OR2G2: variants seen among roughly 807,000 people sequenced by gnomAD.
OR2G2 encodes the protein olfactory receptor family 2 subfamily G member 2, also known as olfactory receptor 2G2.
For synonymous variants in OR2G2, 176 were observed against 152.4 expected (o/e 1.16, Z -1.14); for missense variants, 460 against 389.7 (o/e 1.18, Z -1.52).
Position 247,589,288 on chromosome 1 carries a change from A to C in OR2G2, c.929A>C (p.Lys310Thr). ...GGGGCATTAAAGAAAGTTCTAGCAAAGGCTCTGGGAGTAAATATTTTATGA... is the reference window on the plus strand; with the variant it reads ...GGGGCATTAAAGAAAGTTCTAGCAACGGCTCTGGGAGTAAATATTTTATGA... ...VKGALKKVLA[K>T]ALGVNIL is the part of the protein sequence containing the mutation. The change falls in exon 1 of 1, where the codon AAG becomes ACG. Residue 310 changes from lysine (K) to threonine (T), a missense_variant. Transcript: ENST00000320065. 2 of 1,559,708 alleles carry C rather than the reference A, an allele frequency of 1.3e-6. No individual in the cohort carries two copies. Among genetic ancestry groups the C allele is most frequent in the Non-Finnish European group, 1.7e-6 (2 of 1,155,888 alleles).
rs763386328 is a variant in OR2G2 at position 247,589,263 on chromosome 1, G to A, written c.904G>A (p.Gly302Arg). The stretch of plus-strand genomic sequence containing the variant: ...TACCTTGAGGATCAAGGAGGTGAAA[G>A]GGGCATTAAAGAAAGTTCTAGCAAA... The part of the protein sequence containing the change: ...IYTLRIKEVK[G>R]ALKKVLAKAL... The change falls in exon 1 of 1, where the codon GGG (glycine) becomes AGG (arginine). Residue 302 changes from glycine (G) to arginine (R), a missense_variant. Transcript: ENST00000320065. 2 of 1,609,972 alleles carry A rather than the reference G, an allele frequency of 1.2e-6. No individual in the cohort carries two copies. The highest frequency in any genetic ancestry group is 2.2e-5 in the South Asian group (2 of 90,170).
At position 247,589,309 on chromosome 1, in the gene OR2G2, T is replaced by C. The variant is rs1285009333; in HGVS notation, c.950T>C (p.Leu317Ser). The C allele has an allele frequency of 6.6e-7, 1 of 1,504,058 alleles. No individual in the cohort carries two copies. Among genetic ancestry groups the C allele is most frequent in the South Asian group, 1.3e-5 (1 of 75,402 alleles). The allele number at this position is 1,504,058 out of a possible 1,614,324, so 93.2% of individuals were successfully genotyped here. Residue 317 changes from leucine to serine, a missense_variant, in exon 1 of 1, where the codon TTA becomes TCA. Transcript: ENST00000320065. ...GCAAAGGCTCTGGGAGTAAATATTTTATGATTATTAAAAAAAAATTTAAGT... is the reference window on the plus strand; with the variant it reads ...GCAAAGGCTCTGGGAGTAAATATTTCATGATTATTAAAAAAAAATTTAAGT... ...VLAKALGVNI[L>S]
At position 247,589,252 on chromosome 1, in the gene OR2G2, AG is replaced by A; in HGVS notation, c.895del (p.Glu299ArgfsTer2). 1 of 1,613,156 alleles carries A rather than the reference AG, an allele frequency of 6.2e-7. No homozygotes were observed. Among genetic ancestry groups the A allele is most frequent in the Non-Finnish European group, 8.5e-7 (1 of 1,179,648 alleles). On this transcript the variant is annotated frameshift_variant, in exon 1 of 1. Coordinates refer to ENST00000320065, the MANE Select transcript of OR2G2 (RefSeq NM_001001915.1). LOFTEE classifies it low-confidence loss of function (END_TRUNC). ...CCTCTTATTTATACCTTGAGGATCA[AG>A]GAGGTGAAAGGGGCATTAAAGAAAG... ...LNPLIYTLRI[K>X]EVKGALKKVL...
chr1:247,588,677 C>T lies in OR2G2; in HGVS notation c.318C>T (p.Asn106=), dbSNP rs375587532. 6.2e-7 allele frequency: 1 copy of T among 1,614,090 alleles called. No individual in the cohort carries two copies. The highest frequency in any genetic ancestry group is 8.5e-7 in the Non-Finnish European group (1 of 1,180,042). The change falls in exon 1 of 1, where the codon AAC becomes AAT. Residue 106 remains asparagine, a synonymous_variant. Transcript: ENST00000320065. ...AYGGCLVHLY[N]SHALGSTECV... is the part of the protein sequence containing the mutation. ...GTGGCTGTTTGGTTCACCTTTACAA[C>T]TCCCATGCCCTGGGATCCACTGAGT...
In OR2G2 at chr1:247,589,060, C is replaced by G. The variant is rs773839582; in HGVS notation, c.701C>G (p.Ala234Gly). The change falls in exon 1 of 1, where the codon GCT (alanine) becomes GGT (glycine). Residue 234 changes from alanine (A) to glycine (G), a missense_variant. Coordinates refer to ENST00000320065, the MANE Select transcript of OR2G2 (RefSeq NM_001001915.1). ...IAHAVLRIKS[A>G]TRRQKAFGTC... ...CACGCAGTGTTGAGGATTAAGTCAG[C>G]TACCAGGAGACAGAAAGCATTCGGG... 3.2e-5 allele frequency: 52 copies of G among 1,614,092 alleles called. No homozygotes were observed. The highest frequency in any genetic ancestry group is 1.4e-5 in the Non-Finnish European group (17 of 1,180,020).
At position 247,588,667 on chromosome 1, in the gene OR2G2, A is replaced by AG; in HGVS notation, c.308_309insG (p.His103GlnfsTer12). 2 of 1,614,066 alleles carry AG rather than the reference A, an allele frequency of 1.2e-6. No individual in the cohort carries two copies. The highest frequency in any genetic ancestry group is 3.3e-5 in the Admixed American group (2 of 60,012). On this transcript the variant is annotated frameshift_variant, in exon 1 of 1. Transcript: ENST00000320065. LOFTEE classifies it low-confidence loss of function (END_TRUNC). The stretch of plus-strand genomic sequence containing the variant: ...ATCGCCTATGGTGGCTGTTTGGTTC[A>AG]CCTTTACAACTCCCATGCCCTGGGA...
chr1:247,588,670 T>G lies in OR2G2; in HGVS notation c.311T>G (p.Leu104Arg), dbSNP rs1669076191. 3 of 1,614,214 alleles carry G rather than the reference T, an allele frequency of 1.9e-6. No homozygotes were observed. Among genetic ancestry groups the G allele is most frequent in the Non-Finnish European group, 1.7e-6 (2 of 1,180,036 alleles). The change falls in exon 1 of 1, where the codon CTT becomes CGT. Residue 104 changes from leucine to arginine, a missense_variant. Transcript: ENST00000320065. ...TIAYGGCLVH[L>R]YNSHALGSTE... is the part of the protein sequence containing the mutation. ...GCCTATGGTGGCTGTTTGGTTCACC[T>G]TTACAACTCCCATGCCCTGGGATCC...
At position 247,588,464 on chromosome 1, in the gene OR2G2, GA is replaced by G; in HGVS notation, c.106del (p.Ile36PhefsTer5). 3.1e-6 allele frequency: 5 copies of G among 1,613,848 alleles called. No individual in the cohort carries two copies. Among genetic ancestry groups the G allele is most frequent in the Non-Finnish European group, 4.2e-6 (5 of 1,179,750 alleles). ...AGAAGGTTCTATTTGTGCTCATATT[GA>G]TTCTGTATTTACTAACTATTTTGGG... is the stretch of plus-strand genomic sequence containing the variant. ...LQKVLFVLIL[I>X]LYLLTILGNT... is the part of the protein sequence containing the mutation. On this transcript the variant is annotated frameshift_variant, in exon 1 of 1. Transcript: ENST00000320065. LOFTEE classifies it low-confidence loss of function (END_TRUNC).
chr1:247,588,444 G>T lies in OR2G2; in HGVS notation c.85G>T (p.Val29Phe), dbSNP rs1558270083. ...GFSDYPQLQK[V>F]LFVLILILYL... ...TTCTGATTATCCTCAGTTACAGAAG[G>T]TTCTATTTGTGCTCATATTGATTCT... The change falls in exon 1 of 1, where the codon GTT becomes TTT. Residue 29 changes from valine to phenylalanine, a missense_variant. By Grantham distance (50) the Val-to-Phe change is conservative. Transcript: ENST00000320065. 6.2e-7 allele frequency: 1 copy of T among 1,613,998 alleles called. No individual in the cohort carries two copies. The highest frequency in any genetic ancestry group is 8.5e-7 in the Non-Finnish European group (1 of 1,179,874).
At position 247,588,615 on chromosome 1, in the gene OR2G2, G is replaced by C; in HGVS notation, c.256G>C (p.Val86Leu). ...CAGCAGTGTTATTCCCCAGCTCCTG[G>C]TAAACCTGTGGGAACCCATGAAAAC... Reference protein sequence around the residue: ...FTSSVIPQLLVNLWEPMKTIA... With the variant: ...FTSSVIPQLLLNLWEPMKTIA... The change falls in exon 1 of 1, where the codon GTA becomes CTA. Residue 86 changes from valine (V) to leucine (L), a missense_variant. By Grantham distance (32) the Val-to-Leu change is conservative (BLOSUM62 1). Coordinates refer to ENST00000320065, the MANE Select transcript of OR2G2 (RefSeq NM_001001915.1). The C allele has an allele frequency of 6.2e-7, 1 of 1,614,078 alleles. No individual in the cohort carries two copies. The highest frequency in any genetic ancestry group is 8.5e-7 in the Non-Finnish European group (1 of 1,180,016).
chr1:247,588,713 G>A lies in OR2G2; in HGVS notation c.354G>A (p.Pro118=). Residue 118 remains proline, a synonymous_variant, in exon 1 of 1, where the codon CCG becomes CCA. Transcript: ENST00000320065. Reference sequence around the variant, plus strand: ...TGGGATCCACTGAGTGCGTCCTCCCGGCTGTGATGTCCTGTGACCGCTATG... The same window carrying A: ...TGGGATCCACTGAGTGCGTCCTCCCAGCTGTGATGTCCTGTGACCGCTATG... ...HALGSTECVL[P]AVMSCDRYVA... is the part of the protein sequence containing the mutation. The A allele has an allele frequency of 1.2e-6, 2 of 1,614,054 alleles. No homozygotes were observed. Among genetic ancestry groups the A allele is most frequent in the Non-Finnish European group, 1.7e-6 (2 of 1,179,980 alleles).
At position 247,588,723 on chromosome 1, in the gene OR2G2, T is replaced by A. The variant is rs1669077805; in HGVS notation, c.364T>A (p.Ser122Thr). 6.2e-7 allele frequency: 1 copy of A among 1,614,014 alleles called. No homozygotes were observed. Among genetic ancestry groups the A allele is most frequent in the Non-Finnish European group, 8.5e-7 (1 of 1,179,994 alleles). The change falls in exon 1 of 1, where the codon TCC (serine) becomes ACC (threonine). Residue 122 changes from serine (S) to threonine (T), a missense_variant. Coordinates refer to ENST00000320065, the MANE Select transcript of OR2G2 (RefSeq NM_001001915.1). ...TGAGTGCGTCCTCCCGGCTGTGATG[T>A]CCTGTGACCGCTATGTGGCTGTCTG... ...STECVLPAVM[S>T]CDRYVAVCRP...
Position 247,589,207 on chromosome 1 carries a change from T to C in OR2G2, c.848T>C (p.Val283Ala), listed in dbSNP as rs1348481947. Residue 283 changes from valine to alanine, a missense_variant, in exon 1 of 1, where the codon GTG becomes GCG. Val to Ala is a moderately conservative substitution (Grantham distance 64). Coordinates refer to ENST00000320065, the MANE Select transcript of OR2G2 (RefSeq NM_001001915.1). ...QGKFVSLFYTVVTRMLNPLIY... is the reference protein window; with the variant it reads ...QGKFVSLFYTAVTRMLNPLIY... ...AAGTTTGTTTCTCTCTTCTACACTGTGGTAACCCGCATGCTTAACCCTCTT... is the reference window on the plus strand; with the variant it reads ...AAGTTTGTTTCTCTCTTCTACACTGCGGTAACCCGCATGCTTAACCCTCTT... 6 of 1,613,972 alleles carry C rather than the reference T, an allele frequency of 3.7e-6. No homozygotes were observed. Among genetic ancestry groups the C allele is most frequent in the Non-Finnish European group, 5.1e-6 (6 of 1,179,996 alleles).
chr1:247,588,937 T>A lies in OR2G2; in HGVS notation c.578T>A (p.Val193Glu). Reference sequence around the variant, plus strand: ...CCTGTGCTCATCAAGCTGGCTTGTGTGGGCACCACGTTTAACGAGGCTGAG... The same window carrying A: ...CCTGTGCTCATCAAGCTGGCTTGTGAGGGCACCACGTTTAACGAGGCTGAG... ...EVPVLIKLAC[V>E]GTTFNEAELF... is the part of the protein sequence containing the mutation. The change falls in exon 1 of 1, where the codon GTG becomes GAG. Residue 193 changes from valine to glutamate, a missense_variant. Val to Glu is a moderately radical substitution (Grantham distance 121). Transcript: ENST00000320065. The A allele has an allele frequency of 6.2e-7, 1 of 1,614,242 alleles. No homozygotes were observed. The highest frequency in any genetic ancestry group is 8.5e-7 in the Non-Finnish European group (1 of 1,180,048).
chr1:247,588,768 G>C lies in OR2G2; in HGVS notation c.409G>C (p.Val137Leu), dbSNP rs1451449428. The C allele has an allele frequency of 3.1e-6, 5 of 1,614,034 alleles. No homozygotes were observed. Among genetic ancestry groups the C allele is most frequent in the Non-Finnish European group, 4.2e-6 (5 of 1,180,050 alleles). Residue 137 changes from valine to leucine, a missense_variant, in exon 1 of 1, where the codon GTC (valine) becomes CTC (leucine). Coordinates refer to ENST00000320065, the MANE Select transcript of OR2G2 (RefSeq NM_001001915.1). ...VAVCRPLHYTVLMHIHLCMAL... is the reference protein window; with the variant it reads ...VAVCRPLHYTLLMHIHLCMAL... ...TGTCTGCCGTCCTCTCCATTACACT[G>C]TCTTAATGCATATCCATCTCTGCAT...
chr1:247,588,740 G>C lies in OR2G2; in HGVS notation c.381G>C (p.Val127=), dbSNP rs372817822. The C allele has an allele frequency of 2.5e-6, 4 of 1,614,006 alleles. No homozygotes were observed. Among genetic ancestry groups the C allele is most frequent in the Non-Finnish European group, 3.4e-6 (4 of 1,180,040 alleles). ...LPAVMSCDRY[V]AVCRPLHYTV... ...CTGTGATGTCCTGTGACCGCTATGT[G>C]GCTGTCTGCCGTCCTCTCCATTACA... is the stretch of plus-strand genomic sequence containing the variant. The change falls in exon 1 of 1, where the codon GTG becomes GTC. Residue 127 remains valine (V), a synonymous_variant. Transcript: ENST00000320065.
At position 247,588,406 on chromosome 1, in the gene OR2G2, T is replaced by A; in HGVS notation, c.47T>A (p.Ile16Asn). The change falls in exon 1 of 1, where the codon ATC becomes AAC. Residue 16 changes from isoleucine (I) to asparagine (N), a missense_variant. Ile to Asn is a moderately radical substitution (Grantham distance 149, BLOSUM62 -3). Transcript: ENST00000320065. ...AATGAGAGCAACCTAGCAGGTTTCA[T>A]CCTTTTAGGGTTTTCTGATTATCCT... is the stretch of plus-strand genomic sequence containing the variant. ...HTNESNLAGF[I>N]LLGFSDYPQL... 5.0e-6 allele frequency: 8 copies of A among 1,613,608 alleles called. No individual in the cohort carries two copies. The highest frequency in any genetic ancestry group is 5.9e-6 in the Non-Finnish European group (7 of 1,179,746).
chr1:247,589,070 A>G lies in OR2G2; in HGVS notation c.711A>G (p.Arg237=), dbSNP rs373547429. The G allele has an allele frequency of 1.1e-5, 17 of 1,614,070 alleles. No homozygotes were observed. Among genetic ancestry groups the G allele is most frequent in the African/African-American group, 1.3e-5 (1 of 74,922 alleles). ...AVLRIKSATR[R]QKAFGTCFSH... ...TGAGGATTAAGTCAGCTACCAGGAG[A>G]CAGAAAGCATTCGGGACCTGCTTCT... Residue 237 remains arginine, a synonymous_variant, in exon 1 of 1, where the codon AGA becomes AGG. Transcript: ENST00000320065.
chr1:247,589,178 G>A lies in OR2G2; in HGVS notation c.819G>A (p.Gln273=). The A allele has an allele frequency of 1.2e-6, 2 of 1,614,116 alleles. No individual in the cohort carries two copies. The highest frequency in any genetic ancestry group is 1.7e-6 in the Non-Finnish European group (2 of 1,180,002). The change falls in exon 1 of 1, where the codon CAG becomes CAA. Residue 273 remains glutamine, a synonymous_variant. Coordinates refer to ENST00000320065, the MANE Select transcript of OR2G2 (RefSeq NM_001001915.1). ...CAGCCAAGAGTAGATCCAGGGACCA[G>A]GGCAAGTTTGTTTCTCTCTTCTACA... The part of the protein sequence containing the change: ...LQPAKSRSRD[Q]GKFVSLFYTV...
Sources: gnomAD v4.1 joint callset for allele counts on GRCh38, gnomAD v4.1.1 for gene constraint, MANE v1.5 for transcripts, NCBI Gene and HGNC (gene_info 2026-07-23, HGNC 2026-07-21) for gene names.